Variants in CNTN4 observed in about 807,000 individuals in gnomAD.
CNTN4 encodes contactin-4.
In CNTN4, 77 loss-of-function variants were observed where a neutral mutation model predicts 122.5. The observed-to-expected ratio is 0.63, with a 90% CI of 0.52 to 0.76. The LOEUF (loss-of-function observed/expected upper bound fraction) is 0.76. CNTN4 is among the 30% of genes least tolerant of loss of function. The probability of loss-of-function intolerance (pLI) is 0.00; values close to 1 mark genes in which losing one functional copy is unlikely to be tolerated. For synonymous variants in CNTN4, 512 were observed against 447.0 expected, an observed-to-expected ratio of 1.15 and a Z score of -1.83; for missense variants, 1,256 against 1,259.1, an observed-to-expected ratio of 1.00 and a Z score of 0.04.
chr3:2,303,366 C>T (rs1003396807), intron 2 of CNTN4, among the ~76,000 whole-genome samples: 1 of 152,026 alleles, frequency 6.6e-6, no homozygotes, highest in African/African-American at 2.4e-5. Flanking sequence ...CCACTCGTTT[C>T]CCCTATTCAC....
At chr3:2,309,064 T>TGA (rs2042821268) in intron 2 of CNTN4, among the ~76,000 whole-genome samples, 5 of 152,164 alleles carry the variant, frequency 3.3e-5, no homozygotes, top group South Asian at 2.1e-4. Context: ...TTTTGAAGCT[T>TGA]TTCAACTATT....
rs147790309 is a variant in CNTN4 at position 2,943,864 on chromosome 3, C to T, written c.1358+18085C>T. On this transcript the variant is annotated intron_variant, in intron 13 of 24. Coordinates refer to ENST00000418658, the MANE Select transcript of CNTN4 (RefSeq NM_175607.3). ...GTCTCGATCTCCTGACCTCGTGATCCACCCGCCATGGCTGGTAATATTTAT... is the reference window on the plus strand; with the variant it reads ...GTCTCGATCTCCTGACCTCGTGATCTACCCGCCATGGCTGGTAATATTTAT... Among the ~76,000 whole-genome samples the T allele has an allele frequency of 4.6e-5, 7 of 151,622 alleles. No individual in the cohort carries two copies. In the East Asian group the frequency reaches 1.4e-3, roughly 29 times the overall value.
intron 3 of CNTN4, among the ~76,000 whole-genome samples, chr3:2,498,288 C>G (rs2076505155): frequency 6.6e-6 from 1 of 152,080 alleles, no homozygotes; most frequent in South Asian, 2.1e-4. Context: ...CTAACATGAG[C>G]ACTGCTGCTA....
chr3:2,586,513 G>A (rs1422865773), intron 4 of CNTN4, among the ~76,000 whole-genome samples: 4 of 152,130 alleles, frequency 2.6e-5, no homozygotes, highest in Admixed American at 6.5e-5. Flanking sequence ...GGCTTGTCTC[G>A]AACCCCTGAT....
At chr3:2,527,451 C>T (rs990467494) in intron 3 of CNTN4, among the ~76,000 whole-genome samples, 10 of 149,934 alleles carry the variant, frequency 6.7e-5, no homozygotes, top group African/African-American at 2.2e-4. Context: ...GTTATTGTTG[C>T]TGCGGTTGTT....
At chr3:2,526,583 A>G (rs906262304) in intron 3 of CNTN4, among the ~76,000 whole-genome samples, 2 of 152,182 alleles carry the variant, frequency 1.3e-5, no homozygotes, top group African/African-American at 2.4e-5. Context: ...AAAAAACTTG[A>G]TTTACCAAAA....
At chr3:2,208,747 T>C (rs1575085100) in intron 2 of CNTN4, among the ~76,000 whole-genome samples, 1 of 152,234 alleles carries the variant, frequency 6.6e-6, no homozygotes. Context: ...CCCAAACCTT[T>C]AGCAAACACC....
At chr3:2,810,029 G>A (rs1251206352) in intron 6 of CNTN4, among the ~76,000 whole-genome samples, 3 of 152,164 alleles carry the variant, frequency 2.0e-5, no homozygotes, top group South Asian at 2.1e-4. Flanking sequence ...GTTGAGGGGT[G>A]AAAAACTGTG....
At chr3:2,984,684 T>C (rs950800207) in intron 13 of CNTN4, among the ~76,000 whole-genome samples, 1 of 152,240 alleles carries the variant, frequency 6.6e-6, no homozygotes, top group Non-Finnish European at 1.5e-5. Context: ...ATACAGGCGA[T>C]GGCTTTAGGT....
intron 2 of CNTN4, among the ~76,000 whole-genome samples, chr3:2,146,099 T>TATA (rs2035235328): frequency 6.6e-6 from 1 of 151,488 alleles, no homozygotes; most frequent in Non-Finnish European, 1.5e-5. Flanking sequence ...TATTTCAATT[T>TATA]ATTTTATTTT....
At chr3:3,003,742 T>C (rs1353683339) in intron 14 of CNTN4, among the ~76,000 whole-genome samples, 1 of 149,884 alleles carries the variant, frequency 6.7e-6, no homozygotes, top group East Asian at 2.0e-4. Context: ...ATTGTATACT[T>C]CTTAAATGTT....
At chr3:2,512,287 CATAAA>C (rs2076910046) in intron 3 of CNTN4, among the ~76,000 whole-genome samples, 1 of 151,834 alleles carries the variant, frequency 6.6e-6, no homozygotes, top group South Asian at 2.1e-4. Flanking sequence ...TGAGACAGTA[CATAAA>C]ATAAGAGTCT....
At chr3:2,484,028 A>T (rs1226531832) in intron 3 of CNTN4, among the ~76,000 whole-genome samples, 2 of 152,198 alleles carry the variant, frequency 1.3e-5, no homozygotes, top group Admixed American at 6.5e-5. Flanking sequence ...AACAACCACA[A>T]ACTGGGAGAA....
intron 4 of CNTN4, among the ~76,000 whole-genome samples, chr3:2,729,401 C>T (rs1346961744): frequency 6.0e-5 from 9 of 149,520 alleles, no homozygotes; most frequent in Middle Eastern, 3.5e-3. Flanking sequence ...AAAAATTAGC[C>T]GGGCGTGGTG....
intron 3 of CNTN4, among the ~76,000 whole-genome samples, chr3:2,514,033 C>G (rs932388723): frequency 2.0e-5 from 3 of 152,162 alleles, no homozygotes; most frequent in Non-Finnish European, 4.4e-5. Context: ...CTGTGCTACC[C>G]AAGTACACTA....
At chr3:2,971,135 A>G (rs1692874574) in intron 13 of CNTN4, among the ~76,000 whole-genome samples, 1 of 152,228 alleles carries the variant, frequency 6.6e-6, no homozygotes, top group Non-Finnish European at 1.5e-5. Flanking sequence ...TAAGAAAATT[A>G]TAAGGAAGAG....
At chr3:2,220,030 G>T (rs954929444) in intron 2 of CNTN4, among the ~76,000 whole-genome samples, 4 of 152,064 alleles carry the variant, frequency 2.6e-5, no homozygotes, top group Non-Finnish European at 4.4e-5. Context: ...TTCAGTACTT[G>T]CTGTTAGACA....
At chr3:2,440,323 C>G (rs1184629705) in intron 3 of CNTN4, among the ~76,000 whole-genome samples, 1 of 152,186 alleles carries the variant, frequency 6.6e-6, no homozygotes, top group Non-Finnish European at 1.5e-5. Context: ...TTAAGTCACA[C>G]TGACCTCAGA....
chr3:2,336,033 G>A (rs933626902), intron 2 of CNTN4, among the ~76,000 whole-genome samples: 9 of 152,144 alleles, frequency 5.9e-5, no homozygotes, highest in Non-Finnish European at 1.2e-4. Context: ...AAAGGTATGT[G>A]TGTTTTGGGG....
Sources: allele counts gnomAD v4.1 joint callset (sites outside exome capture counted in the v4.1 genomes callset), GRCh38; gene constraint gnomAD v4.1.1; transcripts MANE v1.5; gene names NCBI Gene and HGNC (gene_info 2026-07-23, HGNC 2026-07-21).